The following GABRA4 variants were observed in gnomAD, a reference collection of about 807,000 sequenced individuals.
The protein encoded by GABRA4 is gamma-aminobutyric acid receptor subunit alpha-4.
GABRA4 carries 12 observed loss-of-function variants against 49.7 expected under a neutral mutation model. That is an observed-to-expected ratio of 0.24 (90% CI 0.15 to 0.39). The LOEUF (loss-of-function observed/expected upper bound fraction) is 0.39, where lower values mean the gene tolerates loss of function less well. GABRA4 is among the 10% of genes least tolerant of loss of function. The probability of loss-of-function intolerance (pLI) is 1.00; values close to 1 mark genes in which losing one functional copy is unlikely to be tolerated. For synonymous variants in GABRA4, 288 were observed against 240.2 expected (o/e 1.20, Z -1.84); for missense variants, 506 against 686.0 (o/e 0.74, Z 2.93).
At chr4:46,985,011 C>T (rs1338693488) in intron 2 of GABRA4, among the ~76,000 whole-genome samples, 1 of 151,930 alleles carries the variant, frequency 6.6e-6, no homozygotes, top group Non-Finnish European at 1.5e-5. Context: ...ATCTTGGAAA[C>T]AAGCAAAAAG....
At chr4:46,938,440 A>G (rs1721672779) in intron 8 of GABRA4, among the ~76,000 whole-genome samples, 1 of 152,128 alleles carries the variant, frequency 6.6e-6, no homozygotes, top group African/African-American at 2.4e-5. Flanking sequence ...ACTGTCTTAA[A>G]AACAATCATT....
In GABRA4 at chr4:46,964,989, T is replaced by G. The variant is rs757396683; in HGVS notation, c.1115A>C (p.His372Pro). ...AAATACCTGCAGAGGGGCTTCAGGA[T>G]GCTTCTCTCTCTGCACTGGAGCAGC... ...VPAAPVQREK[H>P]PEAPLQNTNA... The change falls in exon 8 of 9, where the codon CAT (histidine) becomes CCT (proline). Residue 372 changes from histidine (H) to proline (P), a missense_variant. Coordinates refer to ENST00000264318, the MANE Select transcript of GABRA4 (RefSeq NM_000809.4). 3.4e-5 allele frequency: 54 copies of G among 1,604,082 alleles called. No homozygotes were observed. Among genetic ancestry groups the G allele is most frequent in the Non-Finnish European group, 4.3e-5 (51 of 1,174,628 alleles).
At chr4:46,969,947 C>A (rs963727220) in intron 7 of GABRA4, among the ~76,000 whole-genome samples, 1 of 151,376 alleles carries the variant, frequency 6.6e-6, no homozygotes, top group Non-Finnish European at 1.5e-5. Flanking sequence ...ATCACACCCT[C>A]CCTCCACCAT....
chr4:46,967,353 A>G (rs1407484935), intron 7 of GABRA4, among the ~76,000 whole-genome samples: 2 of 151,276 alleles, frequency 1.3e-5, no homozygotes, highest in East Asian at 3.9e-4. Context: ...GTTACTTTGA[A>G]CTTTTTTTTT....
At chr4:46,969,211 C>T (rs1279491256) in intron 7 of GABRA4, among the ~76,000 whole-genome samples, 1 of 151,208 alleles carries the variant, frequency 6.6e-6, no homozygotes, top group Non-Finnish European at 1.5e-5. Flanking sequence ...ATTACAGGCA[C>T]CTATGATGGA....
Position 46,921,241 on chromosome 4 carries a change from C to T in GABRA4, c.*6984G>A, listed in dbSNP as rs1253271008. 1.3e-5 allele frequency: 2 copies of T among 151,236 alleles called. No homozygotes were observed. The highest frequency in any genetic ancestry group is 6.6e-5 in the Admixed American group (1 of 15,164). The allele number at this position is 151,236 out of a possible 1,614,324, so 9.4% of individuals were successfully genotyped here. A position where few individuals can be genotyped will look rare whatever the true frequency, so the allele number is the denominator to read the frequency against. On this transcript the variant is annotated 3_prime_UTR_variant, in exon 9 of 9. Transcript: ENST00000264318. ...TCGTTATCCAAAAAGAAATTAAAAA[C>T]GTTTATACTTATAATTAAAGGAATA...
At chr4:46,958,700 A>G (rs563321301) in intron 8 of GABRA4, among the ~76,000 whole-genome samples, 1 of 151,998 alleles carries the variant, frequency 6.6e-6, no homozygotes, top group African/African-American at 2.4e-5. Context: ...ATGCTTTTAG[A>G]TTCCACCAAT....
At position 46,928,287 on chromosome 4, in the gene GABRA4, T is replaced by C. The variant is rs370119879; in HGVS notation, c.1603A>G (p.Met535Val). 11 of 1,613,192 alleles carry C rather than the reference T, an allele frequency of 6.8e-6. No individual in the cohort carries two copies. Among genetic ancestry groups the C allele is most frequent in the East Asian group, 2.2e-5 (1 of 44,872 alleles). The change falls in exon 9 of 9, where the codon ATG (methionine) becomes GTG (valine). Residue 535 changes from methionine (M) to valine (V), a missense_variant. Physicochemically the swap from Met to Val is conservative, Grantham distance 21 (BLOSUM62 1). Transcript: ENST00000264318. ...LFPVTFGAFN[M>V]VYWVVYLSKD... is the part of the protein sequence containing the mutation. ...GATAAATAAACAACCCAATAAACCA[T>C]GTTAAATGCCCCAAATGTGACTGGA...
chr4:46,971,039 A>G, intron 7 of GABRA4, 44 bp downstream of exon 7: 1 of 1,565,362 alleles, frequency 6.4e-7, no homozygotes, highest in East Asian at 2.3e-5. Flanking sequence ...TCATGAATAA[A>G]ATGTAATGTG....
chr4:46,980,792 A>G (rs1385533662), intron 2 of GABRA4, among the ~76,000 whole-genome samples: 1 of 152,100 alleles, frequency 6.6e-6, no homozygotes, highest in Non-Finnish European at 1.5e-5. Context: ...ACCCTAGAAG[A>G]TAGCAATTTC....
At chr4:46,992,576 A>T in intron 2 of GABRA4, 1 of 500,222 alleles carries the variant, frequency 2.0e-6, no homozygotes, top group Non-Finnish European at 3.6e-6. Context: ...AACCTCCCCC[A>T]CCCAGCAGTC....
chr4:46,990,260 A>G (rs372227659), intron 2 of GABRA4, among the ~76,000 whole-genome samples: 13 of 152,358 alleles, frequency 8.5e-5, no homozygotes, highest in African/African-American at 3.1e-4. Flanking sequence ...GGTAATGCAG[A>G]TCATTTGGCA....
At chr4:46,929,124 T>C (rs968340916) in intron 8 of GABRA4, among the ~76,000 whole-genome samples, 9 of 152,016 alleles carry the variant, frequency 5.9e-5, no homozygotes, top group African/African-American at 1.9e-4. Flanking sequence ...GCAAATAATA[T>C]TCTGTATATG....
chr4:46,975,999 A>C (rs1319543265), intron 5 of GABRA4, among the ~76,000 whole-genome samples: 1 of 151,970 alleles, frequency 6.6e-6, no homozygotes, highest in Non-Finnish European at 1.5e-5. Context: ...TGATAACAGC[A>C]GGCAACAGTT....
chr4:46,978,982 A>G (rs1560481848), intron 3 of GABRA4, 49 bp downstream of exon 3: 1 of 1,197,086 alleles, frequency 8.4e-7, no homozygotes, highest in Non-Finnish European at 1.2e-6. Context: ...TCTTTTCTAC[A>G]TGTTTTCTTC....
chr4:46,992,880 G>T lies in GABRA4; in HGVS notation c.153C>A (p.Ile51=). The T allele has an allele frequency of 6.2e-7, 1 of 1,613,584 alleles. No homozygotes were observed. The highest frequency in any genetic ancestry group is 8.5e-7 in the Non-Finnish European group (1 of 1,179,938). The change falls in exon 2 of 9, where the codon ATC becomes ATA. Residue 51 remains isoleucine (I), a synonymous_variant. Coordinates refer to ENST00000264318, the MANE Select transcript of GABRA4 (RefSeq NM_000809.4). ...EKLCTENFTR[I]LDSLLDGYDN... ...CATAACCATCGAGCAAACTGTCCAG[G>T]ATGCGGGTGAAATTTTCTGTGCACA...
chr4:46,974,188 C>T (rs1237855176), intron 6 of GABRA4, 44 bp downstream of exon 6: 1 of 1,555,866 alleles, frequency 6.4e-7, no homozygotes, highest in Non-Finnish European at 8.7e-7. Flanking sequence ...AACTTTATTG[C>T]TAACACCAAG....
At chr4:46,956,568 CAA>C (rs1722371184) in intron 8 of GABRA4, among the ~76,000 whole-genome samples, 1 of 151,818 alleles carries the variant, frequency 6.6e-6, no homozygotes, top group Non-Finnish European at 1.5e-5. Context: ...TTTTTTCCCC[CAA>C]AGTGTCCTCA....
chr4:46,941,582 A>T (rs1168044133), intron 8 of GABRA4, among the ~76,000 whole-genome samples: 1 of 152,144 alleles, frequency 6.6e-6, no homozygotes, highest in Non-Finnish European at 1.5e-5. Context: ...GTCAGGTAAA[A>T]TATTACTATA....
Sources: gnomAD v4.1 joint callset for allele counts (sites outside exome capture counted in the v4.1 genomes callset) on GRCh38, gnomAD v4.1.1 for gene constraint, MANE v1.5 for transcripts, NCBI Gene and HGNC (gene_info 2026-07-23, HGNC 2026-07-21) for gene names.